The following BNC2 variants were observed in gnomAD, a reference collection of about 807,000 sequenced individuals.
The protein encoded by BNC2 is zinc finger protein basonuclin-2.
In BNC2, 20 loss-of-function variants were observed where a neutral mutation model predicts 76.3. That is an observed-to-expected ratio of 0.26 (90% CI 0.18 to 0.38). The LOEUF (loss-of-function observed/expected upper bound fraction) is 0.38, where lower values mean the gene tolerates loss of function less well. BNC2 is among the 10% of genes least tolerant of loss of function. BNC2 has a pLI of 1.00. For synonymous variants in BNC2, 582 were observed against 514.8 expected, an observed-to-expected ratio of 1.13 and a Z score of -1.77; for missense variants, 1,382 against 1,399.8, an observed-to-expected ratio of 0.99 and a Z score of 0.20.
chr9:16,825,551 A>G (rs893083543), intron 1 of BNC2, among the ~76,000 whole-genome samples: 16 of 152,094 alleles, frequency 1.1e-4, no homozygotes, highest in Non-Finnish European at 1.3e-4. Flanking sequence ...GCTGGCATGT[A>G]TGCTGAATTT....
chr9:16,694,183 A>G (rs1378436253), intron 3 of BNC2, among the ~76,000 whole-genome samples: 1 of 152,076 alleles, frequency 6.6e-6, no homozygotes, highest in East Asian at 1.9e-4. Context: ...GCTAAACAAC[A>G]CCAAAGGGAA....
intron 3 of BNC2, among the ~76,000 whole-genome samples, chr9:16,669,919 A>G (rs770067638): frequency 1.3e-5 from 2 of 152,222 alleles, no homozygotes; most frequent in Non-Finnish European, 1.5e-5. Flanking sequence ...ATGATACATG[A>G]TAATAGTTAA....
At chr9:16,680,128 T>A (rs375059033) in intron 3 of BNC2, among the ~76,000 whole-genome samples, 1 of 152,212 alleles carries the variant, frequency 6.6e-6, no homozygotes, top group African/African-American at 2.4e-5. Context: ...AAACTTTCAA[T>A]AGAAACATAC....
intron 3 of BNC2, among the ~76,000 whole-genome samples, chr9:16,680,253 A>G (rs1398694632): frequency 6.6e-6 from 1 of 152,010 alleles, no homozygotes; most frequent in Non-Finnish European, 1.5e-5. Flanking sequence ...TCGTTTTCTT[A>G]ATTTTTTAAA....
chr9:16,616,126 C>T (rs903080811), intron 3 of BNC2, among the ~76,000 whole-genome samples: 1 of 152,176 alleles, frequency 6.6e-6, no homozygotes, highest in East Asian at 1.9e-4. Flanking sequence ...GTAGCTCACA[C>T]CTATAATCTC....
At chr9:16,584,361 A>T (rs1819711522) in intron 3 of BNC2, among the ~76,000 whole-genome samples, 1 of 152,176 alleles carries the variant, frequency 6.6e-6, no homozygotes. Flanking sequence ...ACTGGGACAA[A>T]TTCCATTCAC....
At chr9:16,462,059 T>C (rs149598928) in intron 5 of BNC2, among the ~76,000 whole-genome samples, 1 of 152,324 alleles carries the variant, frequency 6.6e-6, no homozygotes, top group African/African-American at 2.4e-5. Flanking sequence ...TTTCATCACA[T>C]GCAGTTCCTA....
intron 1 of BNC2, among the ~76,000 whole-genome samples, chr9:16,865,145 A>C (rs1819513402): frequency 6.6e-6 from 1 of 152,104 alleles, no homozygotes; most frequent in Admixed American, 6.6e-5. Flanking sequence ...ACATCTTTGT[A>C]ATAAACACAA....
At chr9:16,626,936 T>C (rs1291792497) in intron 3 of BNC2, among the ~76,000 whole-genome samples, 1 of 152,140 alleles carries the variant, frequency 6.6e-6, no homozygotes, top group Non-Finnish European at 1.5e-5. Flanking sequence ...CTGCCGCTTG[T>C]TTACCAAACA....
At chr9:16,800,773 AC>A (rs1350763211) in intron 1 of BNC2, among the ~76,000 whole-genome samples, 4 of 152,204 alleles carry the variant, frequency 2.6e-5, no homozygotes, top group African/African-American at 4.8e-5. Flanking sequence ...AACATCTGGT[AC>A]CTGGTACAAA....
At chr9:16,745,123 G>A (rs1371303895) in intron 1 of BNC2, among the ~76,000 whole-genome samples, 1 of 152,192 alleles carries the variant, frequency 6.6e-6, no homozygotes, top group African/African-American at 2.4e-5. Context: ...AAAAGTACCT[G>A]TTCACAGAAT....
chr9:16,541,768 T>C lies in BNC2; in HGVS notation c.669+10762A>G, dbSNP rs114685328. Reference sequence around the variant, plus strand: ...ACAGACTCTCTAGAGACAAAACCTATGGGATACTCTATTGTCAGTTTCTCT... The same window carrying C: ...ACAGACTCTCTAGAGACAAAACCTACGGGATACTCTATTGTCAGTTTCTCT... On this transcript the variant is annotated intron_variant, in intron 5 of 6. Coordinates refer to ENST00000380672, the MANE Select transcript of BNC2 (RefSeq NM_017637.6). Among the ~76,000 whole-genome samples, 1,024 of 152,250 alleles carry C rather than the reference T, an allele frequency of 6.7e-3. 17 individuals carry two copies. The highest frequency in any genetic ancestry group is 0.023 in the African/African-American group (974 of 41,540).
intron 1 of BNC2, among the ~76,000 whole-genome samples, chr9:16,864,095 A>G (rs1415670816): frequency 6.6e-6 from 1 of 152,220 alleles, no homozygotes; most frequent in African/African-American, 2.4e-5. Flanking sequence ...TTATGATTTG[A>G]AAATGACCAC....
intron 3 of BNC2, among the ~76,000 whole-genome samples, chr9:16,660,688 C>T (rs1388909081): frequency 2.0e-5 from 3 of 152,048 alleles, no homozygotes; most frequent in Admixed American, 6.5e-5. Context: ...ACAATAGGCC[C>T]TCTGTATCTG....
intron 1 of BNC2, among the ~76,000 whole-genome samples, chr9:16,808,633 C>T (rs1158862351): frequency 1.3e-5 from 2 of 151,516 alleles, no homozygotes; most frequent in African/African-American, 2.4e-5. Context: ...GGACTACAGG[C>T]GTATGTGACC....
chr9:16,509,934 C>G (rs10124761), intron 5 of BNC2, among the ~76,000 whole-genome samples: 78,713 of 152,014 alleles, frequency 0.52, 21,702 homozygotes, highest in African/African-American at 0.7. Context: ...ATTAAGGTGA[C>G]TTTGAGTGCA....
chr9:16,744,163 T>A (rs1563923652), intron 1 of BNC2, among the ~76,000 whole-genome samples: 1 of 151,474 alleles, frequency 6.6e-6, no homozygotes, highest in South Asian at 2.1e-4. Flanking sequence ...TAGAGACGGG[T>A]TTTCACCATG....
chr9:16,592,122 C>A (rs73419488), intron 3 of BNC2, among the ~76,000 whole-genome samples: 1 of 151,710 alleles, frequency 6.6e-6, no homozygotes. Context: ...TCCCCTCCCC[C>A]CAAAAAAAAC....
intron 3 of BNC2, among the ~76,000 whole-genome samples, chr9:16,628,622 AAC>A (rs1821068268): frequency 1.3e-5 from 2 of 152,122 alleles, no homozygotes; most frequent in African/African-American, 2.4e-5. Flanking sequence ...AACACACACA[AAC>A]ACACACGCAG....
Sources: gnomAD v4.1 joint callset for allele counts (sites outside exome capture counted in the v4.1 genomes callset) on GRCh38, gnomAD v4.1.1 for gene constraint, MANE v1.5 for transcripts, NCBI Gene and HGNC (gene_info 2026-07-23, HGNC 2026-07-21) for gene names.